DRICH1: variants seen among roughly 807,000 people sequenced by gnomAD.
DRICH1 encodes aspartate-rich protein 1.
A neutral mutation model predicts 39.5 loss-of-function variants in DRICH1; 38 were observed. The observed-to-expected ratio is 0.96, with a 90% confidence interval of 0.74 to 1.26. The LOEUF (loss-of-function observed/expected upper bound fraction) is 1.26, where lower values mean the gene tolerates loss of function less well. Among genes scored for constraint, DRICH1 ranks in the 50% most tolerant of loss-of-function variants. The probability of loss-of-function intolerance (pLI) is 0.00; values close to 1 mark genes in which losing one functional copy is unlikely to be tolerated. For missense variants in DRICH1, 279 were observed against 270.4 expected, an observed-to-expected ratio of 1.03 and a Z score of -0.22; for synonymous variants, 84 against 99.5, an observed-to-expected ratio of 0.84 and a Z score of 0.93.
At chr22:23,610,775 T>C (rs1926986104) in intron 11 of DRICH1, among the ~76,000 whole-genome samples, 1 of 152,094 alleles carries the variant, frequency 6.6e-6, no homozygotes, top group South Asian at 2.1e-4. Flanking sequence ...ACATCAACTA[T>C]TTTAATTTTT....
Position 23,613,319 on chromosome 22 carries a change from C to G in DRICH1, c.655G>C (p.Glu219Gln), listed in dbSNP as rs1226189578. The stretch of plus-strand genomic sequence containing the variant: ...TGAATCTCTTCATCACTTAGACTCT[C>G]CAGCGTCAAGTCTTTAGAAACAAAA... ...TARIESDLTL[E>Q]SLSDEEIHPG The change falls in exon 11 of 12, where the codon GAG (glutamate) becomes CAG (glutamine). Residue 219 changes from glutamate to glutamine, a missense_variant. Coordinates refer to ENST00000317749, the MANE Select transcript of DRICH1 (RefSeq NM_016449.4). The G allele has an allele frequency of 6.2e-7, 1 of 1,613,364 alleles. No individual in the cohort carries two copies. The highest frequency in any genetic ancestry group is 1.1e-5 in the South Asian group (1 of 91,056).
At chr22:23,582,170 G>T in the DRICH1 span, among the ~76,000 whole-genome samples, 7 of 150,292 alleles carry the variant, frequency 4.7e-5, no homozygotes. Context: ...GTAGAGATGG[G>T]GTTTCAGCAT....
chr22:23,632,397 G>A (rs1187561817), upstream of DRICH1: 3 of 295,398 alleles, frequency 1.0e-5, no homozygotes, highest in African/African-American at 6.5e-5. Flanking sequence ...AAACAGCCAG[G>A]TCAGGCTAGT....
chr22:23,621,269 GAAAGT>G (rs1212198949), intron 4 of DRICH1, among the ~76,000 whole-genome samples: 1 of 151,968 alleles, frequency 6.6e-6, no homozygotes, highest in Non-Finnish European at 1.5e-5. Context: ...AGTCTAAGTT[GAAAGT>G]TTACTAGCCT....
Position 23,608,688 on chromosome 22 carries a change from G to A in DRICH1, c.*76C>T. The A allele has an allele frequency of 2.1e-6, 3 of 1,452,856 alleles. No individual in the cohort carries two copies. Among genetic ancestry groups the A allele is most frequent in the South Asian group, 1.2e-5 (1 of 82,054 alleles). 90.0% of individuals were successfully genotyped at this position (1,452,856 alleles called of 1,614,324 possible). ...TGTAGAGAGGATTGAGACCTCCAGGGGCAAAGCTGGGGACCCTGCAGCACG... is the reference window on the plus strand; with the variant it reads ...TGTAGAGAGGATTGAGACCTCCAGGAGCAAAGCTGGGGACCCTGCAGCACG... On this transcript the variant is annotated 3_prime_UTR_variant, in exon 12 of 12. Transcript: ENST00000317749.
At position 23,624,881 on chromosome 22, in the gene DRICH1, A is replaced by G. The variant is rs150288995; in HGVS notation, c.298+2T>C. 2 of 1,613,624 alleles carry G rather than the reference A, an allele frequency of 1.2e-6. No homozygotes were observed. The highest frequency in any genetic ancestry group is 1.3e-5 in the African/African-American group (1 of 75,040). ...GAAAGTGAGTTAGTTCAAGGTACGT[A>G]CCCTGGACAGGTGATGGTAAAATCT... On this transcript the variant is annotated splice_donor_variant, in intron 3 of 11. Coordinates refer to ENST00000317749, the MANE Select transcript of DRICH1 (RefSeq NM_016449.4). LOFTEE classifies it high-confidence loss of function.
At chr22:23,603,410 C>G in the DRICH1 span, among the ~76,000 whole-genome samples, 30 of 152,130 alleles carry the variant, frequency 2.0e-4, no homozygotes, top group East Asian at 5.8e-3. Flanking sequence ...TGGCTACCCC[C>G]ACTCTCCGCC....
chr22:23,590,932 G>A, the DRICH1 span, among the ~76,000 whole-genome samples: 1 of 152,168 alleles, frequency 6.6e-6, no homozygotes, highest in African/African-American at 2.4e-5. Flanking sequence ...CAGGGTACAT[G>A]TTCTTTATAG....
chr22:23,612,463 T>C (rs1419206269), intron 11 of DRICH1, among the ~76,000 whole-genome samples: 5 of 85,232 alleles, frequency 5.9e-5, no homozygotes, highest in South Asian at 4.5e-4. Context: ...CGAGACTCCA[T>C]CTCAAAAAAA....
chr22:23,611,636 C>T lies in DRICH1; in HGVS notation c.685+1653G>A, dbSNP rs186670494. ...TCGATTTCCTGACCTCGTAATCCGCCCACCTTGCACCTGCTTATTAACTAC... is the reference window on the plus strand; with the variant it reads ...TCGATTTCCTGACCTCGTAATCCGCTCACCTTGCACCTGCTTATTAACTAC... On this transcript the variant is annotated intron_variant, in intron 11 of 11. Transcript: ENST00000317749. Among the ~76,000 whole-genome samples the T allele has an allele frequency of 1.7e-3, 256 of 152,156 alleles. 2 individuals are homozygous for T. The highest frequency in any genetic ancestry group is 1.4e-3 in the Non-Finnish European group (93 of 67,986).
Position 23,631,831 on chromosome 22 carries a change from G to C in DRICH1, c.193C>G (p.Gln65Glu). Residue 65 changes from glutamine to glutamate, a missense_variant, in exon 1 of 12, where the codon CAA becomes GAA. Coordinates refer to ENST00000317749, the MANE Select transcript of DRICH1 (RefSeq NM_016449.4). ...EGQDLQHISN[Q>E]KMPTGPPEDR... ...GCTTTTTTACCTGTGGGCATCTTTT[G>C]GTTGCTGATGTGCTGCAGGTCTTGG... 1 of 1,612,198 alleles carries C rather than the reference G, an allele frequency of 6.2e-7. No homozygotes were observed. Among genetic ancestry groups the C allele is most frequent in the South Asian group, 1.1e-5 (1 of 90,998 alleles).
At chr22:23,626,212 A>G (rs1928055516) in intron 1 of DRICH1, among the ~76,000 whole-genome samples, 164 bp from the exon 2 acceptor site, 1 of 152,200 alleles carries the variant, frequency 6.6e-6, no homozygotes, top group Non-Finnish European at 1.5e-5. Flanking sequence ...GTCTCACCAG[A>G]TACCTTGCAT....
At chr22:23,587,403 G>A in the DRICH1 span, among the ~76,000 whole-genome samples, 1 of 152,178 alleles carries the variant, frequency 6.6e-6, no homozygotes, top group Non-Finnish European at 1.5e-5. Context: ...CTTTCCCCCA[G>A]TTGGCTGGAT....
the DRICH1 span, among the ~76,000 whole-genome samples, chr22:23,592,123 G>A: frequency 1.3e-5 from 2 of 152,234 alleles, no homozygotes; most frequent in South Asian, 4.1e-4. Context: ...GAGCATGGAG[G>A]GTCCAGAGAC....
chr22:23,626,548 T>A (rs1928074820), intron 1 of DRICH1, among the ~76,000 whole-genome samples: 1 of 152,200 alleles, frequency 6.6e-6, no homozygotes, highest in African/African-American at 2.4e-5. Flanking sequence ...TCCCCAGAGA[T>A]CCTCCTAGAG....
At chr22:23,605,283 G>A (rs73878961), downstream of DRICH1, among the ~76,000 whole-genome samples, 9,061 of 152,174 alleles carry the variant, frequency 0.06, 545 homozygotes, top group African/African-American at 0.14. Flanking sequence ...AAGGAGAGGG[G>A]CCGCACCATG....
chr22:23,628,418 T>C (rs1240709471), intron 1 of DRICH1, among the ~76,000 whole-genome samples: 3 of 152,090 alleles, frequency 2.0e-5, no homozygotes, highest in Admixed American at 2.0e-4. Context: ...AATATAAAAA[T>C]TAGTTGGGTG....
At chr22:23,625,915 G>A (rs368057327) in intron 2 of DRICH1, 66 bp downstream of exon 2, 819 of 1,285,578 alleles carry the variant, frequency 6.4e-4, no homozygotes, top group Non-Finnish European at 6.9e-4. Flanking sequence ...GGGTTTAGAT[G>A]GGTGAATTTG....
At chr22:23,581,574 G>C in the DRICH1 span, 1 of 151,982 alleles carries the variant, frequency 6.6e-6, no homozygotes, top group Non-Finnish European at 1.5e-5. Context: ...CTGTGAAAAA[G>C]CAGTAACATA....
Sources: gnomAD v4.1 joint callset for allele counts (sites outside exome capture counted in the v4.1 genomes callset) on GRCh38, gnomAD v4.1.1 for gene constraint, MANE v1.5 for transcripts, NCBI Gene and HGNC (gene_info 2026-07-23, HGNC 2026-07-21) for gene names.